Variants in CFH observed in about 807,000 individuals in gnomAD.
CFH encodes complement factor H.
A neutral mutation model predicts 147.3 loss-of-function variants in CFH; 53 were observed. The ratio of observed to expected loss-of-function variants is 0.36; its 90% CI spans 0.29 to 0.45. CFH has a LOEUF of 0.45. Among genes scored for constraint, CFH ranks in the 20% least tolerant of loss-of-function variants. The pLI is 1.00. For missense variants in CFH, 1,380 were observed against 1,498.0 expected (o/e 0.92, Z 1.30); for synonymous variants, 536 against 489.4 (o/e 1.10, Z -1.26).
intron 4 of CFH, 51 bp downstream of exon 4, chr1:196,676,116 A>C (rs747608778): frequency 8.8e-7 from 1 of 1,138,870 alleles, no homozygotes; most frequent in East Asian, 2.5e-5. Flanking sequence ...TCTAAGATTT[A>C]AAAAAAGTCT....
Position 196,743,518 on chromosome 1 carries a change from A to G in CFH, c.3200A>G (p.Tyr1067Cys), listed in dbSNP as rs776101291. 4 of 1,614,078 alleles carry G rather than the reference A, an allele frequency of 2.5e-6. No individual in the cohort carries two copies. In the East Asian group the frequency reaches 8.9e-5, roughly 36 times the overall value. ...ATAGTGTCGAGACAGATGAGTAAAT[A>G]TCCATCTGGTGAGAGAGTACGTTAT... is the stretch of plus-strand genomic sequence containing the variant. ...AYIVSRQMSKYPSGERVRYQC... is the reference protein window; with the variant it reads ...AYIVSRQMSKCPSGERVRYQC... The change falls in exon 20 of 22, where the codon TAT becomes TGT. Residue 1067 changes from tyrosine to cysteine, a missense_variant. By Grantham distance (194) the Tyr-to-Cys change is radical. This residue lies in a region of CFH where 830 missense variants were observed against 821.4 expected (regional missense o/e 1.01). Transcript: ENST00000367429.
intron 1 of CFH, among the ~76,000 whole-genome samples, chr1:196,668,735 T>G (rs1667179954): frequency 6.6e-6 from 1 of 152,206 alleles, no homozygotes; most frequent in African/African-American, 2.4e-5. Context: ...ATTGTAAGTT[T>G]CCTGAAGCCT....
chr1:196,724,767 A>T (rs1669093395), intron 11 of CFH, among the ~76,000 whole-genome samples: 2 of 152,188 alleles, frequency 1.3e-5, no homozygotes, highest in African/African-American at 4.8e-5. Flanking sequence ...ATTCTGGTCT[A>T]TATGCACTTT....
In CFH at chr1:196,689,266, C is replaced by A. The variant is rs572909275; in HGVS notation, c.965-154C>A. 1.7e-3 allele frequency among the ~76,000 whole-genome samples: 261 copies of A among 152,234 alleles called. 1 individual carries two copies. The highest frequency in any genetic ancestry group is 6.8e-3 in the Middle Eastern group (2 of 294). ...CCTTCTTGTTACATATCTCAGTCATCTGAGTTCTATCATTTGTTTTGACCT... is the reference window on the plus strand; with the variant it reads ...CCTTCTTGTTACATATCTCAGTCATATGAGTTCTATCATTTGTTTTGACCT... On this transcript the variant is annotated intron_variant, in intron 7 of 21. Coordinates refer to ENST00000367429, the MANE Select transcript of CFH (RefSeq NM_000186.4).
intron 6 of CFH, 52 bp from the exon 7 acceptor site, chr1:196,685,012 A>C (rs1321933522): frequency 1.5e-6 from 2 of 1,371,414 alleles, no homozygotes; most frequent in Non-Finnish European, 2.1e-6. Context: ...TAAATGATTA[A>C]TTTTAACGGA....
intron 11 of CFH, among the ~76,000 whole-genome samples, chr1:196,716,577 T>C (rs561554271): frequency 2.0e-5 from 3 of 152,044 alleles, no homozygotes; most frequent in African/African-American, 7.2e-5. Flanking sequence ...TGAGTCCAGG[T>C]AGGGTGAGAA....
At chr1:196,735,328 C>CA (rs1669375094) in intron 15 of CFH, among the ~76,000 whole-genome samples, 1 of 152,024 alleles carries the variant, frequency 6.6e-6, no homozygotes. Context: ...TTGAAACACT[C>CA]AGTTTTTTAA....
chr1:196,661,360 T>A (rs1474546056), intron 1 of CFH, among the ~76,000 whole-genome samples: 2 of 152,198 alleles, frequency 1.3e-5, no homozygotes, highest in Non-Finnish European at 1.5e-5. Flanking sequence ...TTCTAAAACT[T>A]TTTTCTTTGG....
chr1:196,674,835 A>G (rs1006553745), intron 3 of CFH, among the ~76,000 whole-genome samples: 16 of 152,148 alleles, frequency 1.1e-4, no homozygotes, highest in African/African-American at 3.4e-4. Context: ...CTCTCCTACA[A>G]AACAGACACA....
At chr1:196,742,235 G>T (rs749829783) in intron 19 of CFH, among the ~76,000 whole-genome samples, 184 bp downstream of exon 19, 1 of 152,036 alleles carries the variant, frequency 6.6e-6, no homozygotes, top group African/African-American at 2.4e-5. Flanking sequence ...AAATAGTGGG[G>T]CATGGTGACA....
intron 15 of CFH, among the ~76,000 whole-genome samples, chr1:196,733,567 G>A (rs547807336): frequency 2.0e-5 from 3 of 152,002 alleles, no homozygotes; most frequent in Non-Finnish European, 4.4e-5. Context: ...ACTGCTCTTG[G>A]GCAATGAAGC....
chr1:196,734,212 T>A (rs190249226), intron 15 of CFH, among the ~76,000 whole-genome samples: 2 of 152,294 alleles, frequency 1.3e-5, no homozygotes, highest in East Asian at 3.9e-4. Flanking sequence ...TTTTCTTACT[T>A]GTTCAATGTG....
At chr1:196,656,605 C>T (rs1666699098) in intron 1 of CFH, among the ~76,000 whole-genome samples, 1 of 151,524 alleles carries the variant, frequency 6.6e-6, no homozygotes, top group African/African-American at 2.4e-5. Context: ...TGTTACTCAT[C>T]TGTTCTTTCG....
At chr1:196,723,268 C>T (rs980242529) in intron 11 of CFH, among the ~76,000 whole-genome samples, 8 of 151,810 alleles carry the variant, frequency 5.3e-5, no homozygotes, top group Non-Finnish European at 1.2e-4. Flanking sequence ...AATATGACTA[C>T]GATGTATGTT....
At chr1:196,701,213 C>T (rs1339076709) in intron 9 of CFH, 10 of 1,504,464 alleles carry the variant, frequency 6.6e-6, no homozygotes, top group Non-Finnish European at 9.2e-6. Context: ...ACTCAGGGAA[C>T]TCTTCTTGTT....
chr1:196,660,686 G>T (rs1480162985), intron 1 of CFH, among the ~76,000 whole-genome samples: 1 of 152,252 alleles, frequency 6.6e-6, no homozygotes, highest in East Asian at 1.9e-4. Flanking sequence ...AGAATTTTAA[G>T]TACTATTTGA....
At chr1:196,687,321 GACTCTCTGTGGGT>G (rs1000231416) in intron 7 of CFH, among the ~76,000 whole-genome samples, 6 of 152,068 alleles carry the variant, frequency 3.9e-5, no homozygotes, top group African/African-American at 1.4e-4. Flanking sequence ...GCGCTGATGA[GACTCTCTGTGGGT>G]ACTAATATTT....
In CFH at chr1:196,736,943, A is replaced by G; in HGVS notation, c.2533A>G (p.Ile845Val). 6.2e-7 allele frequency: 1 copy of G among 1,612,172 alleles called. No individual in the cohort carries two copies. Among genetic ancestry groups the G allele is most frequent in the Non-Finnish European group, 8.5e-7 (1 of 1,178,750 alleles). Residue 845 changes from isoleucine to valine, a missense_variant, in exon 16 of 22, where the codon ATT becomes GTT. Physicochemically the swap from Ile to Val is conservative, Grantham distance 29. This residue lies in a region of CFH where 830 missense variants were observed against 821.4 expected (regional missense o/e 1.01). Transcript: ENST00000367429. ...VSVLCQENYL[I>V]QEGEEITCKD... ...TGTTCTTTGCCAAGAAAATTATCTA[A>G]TTCAGGAAGGAGAAGAAATTACATG...
intron 9 of CFH, 91 bp from the exon 10 acceptor site, chr1:196,713,644 C>T: frequency 1.2e-6 from 1 of 850,910 alleles, no homozygotes; most frequent in Non-Finnish European, 1.9e-6. Context: ...TTACAAATGA[C>T]TCATTATTTT....
Sources: gnomAD v4.1 joint callset for allele counts (sites outside exome capture counted in the v4.1 genomes callset) on GRCh38, gnomAD v4.1.1 for gene constraint, gnomAD v4.1.1 regional missense constraint, MANE v1.5 for transcripts, NCBI Gene and HGNC (gene_info 2026-07-23, HGNC 2026-07-21) for gene names.